The following NUP98 variants were observed in gnomAD, a reference collection of about 807,000 sequenced individuals.
NUP98 encodes the protein nucleoporin 98 and 96 precursor.
NUP98 carries 26 observed loss-of-function variants against 191.9 expected under a neutral mutation model. That is an observed-to-expected ratio of 0.14 (90% CI 0.10 to 0.19). The LOEUF (loss-of-function observed/expected upper bound fraction) is 0.19, where lower values mean the gene tolerates loss of function less well. Among genes scored for constraint, NUP98 ranks in the 10% least tolerant of loss-of-function variants. The probability of loss-of-function intolerance (pLI) is 1.00; values close to 1 mark genes in which losing one functional copy is unlikely to be tolerated. For missense variants in NUP98, 1,941 were observed against 2,178.8 expected (o/e 0.89, Z 2.17); for synonymous variants, 808 against 778.4 (o/e 1.04, Z -0.63).
chr11:3,731,896 T>C (rs749640336), intron 13 of NUP98, among the ~76,000 whole-genome samples: 4 of 152,220 alleles, frequency 2.6e-5, no homozygotes, highest in African/African-American at 4.8e-5. Context: ...TTCTTTTGAA[T>C]GTCATGTCAG....
intron 1 of NUP98, among the ~76,000 whole-genome samples, chr11:3,791,975 C>A (rs111269221): frequency 0.014 from 2,147 of 151,202 alleles, 48 homozygotes; most frequent in African/African-American, 0.05. Flanking sequence ...GTCAGGAGAT[C>A]GAGACCTTCC....
In NUP98 at chr11:3,735,177, A is replaced by G. The variant is rs371234285; in HGVS notation, c.1542+14T>C. On this transcript the variant is annotated intron_variant, in intron 13 of 32. Coordinates refer to ENST00000324932, the MANE Select transcript of NUP98 (RefSeq NM_016320.5). Reference sequence around the variant, plus strand: ...CTTTGATATGATATTTTACAGAAGTATCCTTAAATTTACCTCTTCCTTCTT... The same window carrying G: ...CTTTGATATGATATTTTACAGAAGTGTCCTTAAATTTACCTCTTCCTTCTT... The G allele has an allele frequency of 2.5e-6, 4 of 1,571,144 alleles. No homozygotes were observed. The highest frequency in any genetic ancestry group is 2.7e-5 in the African/African-American group (2 of 73,494).
At chr11:3,784,908 G>A (rs573175769) in intron 1 of NUP98, among the ~76,000 whole-genome samples, 2 of 152,218 alleles carry the variant, frequency 1.3e-5, no homozygotes, top group South Asian at 2.1e-4. Flanking sequence ...AGGCAGAGGC[G>A]GGCAGATCAC....
intron 4 of NUP98, among the ~76,000 whole-genome samples, chr11:3,778,335 G>A (rs546365249): frequency 6.6e-6 from 1 of 152,158 alleles, no homozygotes; most frequent in East Asian, 1.9e-4. Context: ...TCAAAGTACA[G>A]TGCTGTGTGG....
At chr11:3,769,381 G>C (rs2081443588) in intron 7 of NUP98, among the ~76,000 whole-genome samples, 1 of 151,950 alleles carries the variant, frequency 6.6e-6, no homozygotes, top group Admixed American at 6.6e-5. Context: ...AGCTGTGATG[G>C]AGCCACTGCA....
In NUP98 at chr11:3,693,351, G is replaced by T; in HGVS notation, c.4192C>A (p.Gln1398Lys). The part of the protein sequence containing the change: ...KPVWQLSEKK[Q>K]INVCSQLDWK... Reference sequence around the variant, plus strand: ...TCCAACTGGGAGCACACGTTTATTTGCTTCTTTTCTGAGAGCTGCCACACC... The same window carrying T: ...TCCAACTGGGAGCACACGTTTATTTTCTTCTTTTCTGAGAGCTGCCACACC... Residue 1398 changes from glutamine to lysine, a missense_variant, in exon 27 of 33, where the codon CAA becomes AAA. By Grantham distance (53) the Gln-to-Lys change is moderately conservative (BLOSUM62 1). Coordinates refer to ENST00000324932, the MANE Select transcript of NUP98 (RefSeq NM_016320.5). 6.2e-7 allele frequency: 1 copy of T among 1,614,132 alleles called. No individual in the cohort carries two copies. The highest frequency in any genetic ancestry group is 8.5e-7 in the Non-Finnish European group (1 of 1,180,022).
intron 31 of NUP98, 24 bp downstream of exon 31, chr11:3,679,530 C>T (rs766886824): frequency 6.2e-7 from 1 of 1,611,098 alleles, no homozygotes; most frequent in Non-Finnish European, 8.5e-7. Context: ...GAAAATCAGG[C>T]AGCAGTTTCA....
chr11:3,771,683 A>G, intron 7 of NUP98, 65 bp downstream of exon 7: 1 of 1,437,996 alleles, frequency 7.0e-7, no homozygotes, highest in Non-Finnish European at 9.7e-7. Context: ...CAAAATGGCA[A>G]TTATGTTTTA....
At position 3,706,775 on chromosome 11, in the gene NUP98, G is replaced by A. The variant is rs2078874040; in HGVS notation, c.2743-148C>T. 5.5e-6 allele frequency: 4 copies of A among 732,998 alleles called. No homozygotes were observed. In the East Asian group the frequency reaches 7.9e-5, roughly 15 times the overall value. The allele number at this position is 732,998 out of a possible 1,614,324, so 45.4% of individuals were successfully genotyped here. Reference sequence around the variant, plus strand: ...GTGAGGTAAGGTAGCAGATTTGCTAGAGTGATTTAAAATCAATTACCCCAA... The same window carrying A: ...GTGAGGTAAGGTAGCAGATTTGCTAAAGTGATTTAAAATCAATTACCCCAA... On this transcript the variant is annotated intron_variant, in intron 20 of 32. Coordinates refer to ENST00000324932, the MANE Select transcript of NUP98 (RefSeq NM_016320.5).
In NUP98 at chr11:3,773,728, A is replaced by G; in HGVS notation, c.507T>C (p.Gly169=). 6.2e-7 allele frequency: 1 copy of G among 1,612,406 alleles called. No individual in the cohort carries two copies. Among genetic ancestry groups the G allele is most frequent in the South Asian group, 1.1e-5 (1 of 90,828 alleles). The stretch of plus-strand genomic sequence containing the variant: ...CTCCAGCTTTGACCATAGTATCTGT[A>G]CCAGTTGGAGGCTGCAAAGTTAAAT... The part of the protein sequence containing the change: ...GTTIKFNPPT[G]TDTMVKAGVS... Residue 169 remains glycine, a synonymous_variant, in exon 6 of 33, where the codon GGT becomes GGC. Transcript: ENST00000324932.
chr11:3,718,668 TGAA>T (rs2079275678), intron 18 of NUP98, among the ~76,000 whole-genome samples: 1 of 152,224 alleles, frequency 6.6e-6, no homozygotes, highest in African/African-American at 2.4e-5. Context: ...TGGTAGGTTA[TGAA>T]GATAAATAAT....
chr11:3,737,879 GT>G (rs75865492), intron 12 of NUP98, among the ~76,000 whole-genome samples: 133 of 142,266 alleles, frequency 9.3e-4, no homozygotes, highest in African/African-American at 9.0e-4. Flanking sequence ...ATAAAGAAAA[GT>G]TTTTTTTTTT....
In NUP98 at chr11:3,773,713, G is replaced by T; in HGVS notation, c.522C>A (p.Val174=). The change falls in exon 6 of 33, where the codon GTC becomes GTA. Residue 174 remains valine, a synonymous_variant. Coordinates refer to ENST00000324932, the MANE Select transcript of NUP98 (RefSeq NM_016320.5). The part of the protein sequence containing the change: ...FNPPTGTDTM[V]KAGVSTNIST... ...TTATGTTAGTGCTAACTCCAGCTTT[G>T]ACCATAGTATCTGTACCAGTTGGAG... is the stretch of plus-strand genomic sequence containing the variant. 1 of 1,613,160 alleles carries T rather than the reference G, an allele frequency of 6.2e-7. No homozygotes were observed. Among genetic ancestry groups the T allele is most frequent in the South Asian group, 1.1e-5 (1 of 90,898 alleles).
intron 18 of NUP98, among the ~76,000 whole-genome samples, chr11:3,718,269 C>A (rs982962121): frequency 1.3e-4 from 20 of 152,168 alleles, no homozygotes; most frequent in African/African-American, 4.8e-4. Context: ...GGCACAGTGG[C>A]TCATGCTTGT....
In NUP98 at chr11:3,775,914, C is replaced by A; in HGVS notation, c.463G>T (p.Ala155Ser). The A allele has an allele frequency of 1.2e-6, 2 of 1,613,820 alleles. No individual in the cohort carries two copies. The highest frequency in any genetic ancestry group is 1.7e-6 in the Non-Finnish European group (2 of 1,179,798). The change falls in exon 5 of 33, where the codon GCT becomes TCT. Residue 155 changes from alanine (A) to serine (S), a missense_variant. Transcript: ENST00000324932. ...GSLFGPSSFT[A>S]APTGTTIKFN... ...TTAATAGTAGTCCCAGTAGGAGCAGCTGTAAAACTACTTGGCCCAAAGAGG... is the reference window on the plus strand; with the variant it reads ...TTAATAGTAGTCCCAGTAGGAGCAGATGTAAAACTACTTGGCCCAAAGAGG...
At chr11:3,739,370 T>C (rs1256964728) in intron 12 of NUP98, among the ~76,000 whole-genome samples, 6 of 152,126 alleles carry the variant, frequency 3.9e-5, no homozygotes, top group Non-Finnish European at 7.3e-5. Context: ...TGCCTCGGCC[T>C]TGCGAGTAGG....
At chr11:3,721,889 G>C (rs1167815569) in intron 16 of NUP98, among the ~76,000 whole-genome samples, 2 of 152,198 alleles carry the variant, frequency 1.3e-5, no homozygotes, top group Middle Eastern at 3.4e-3. Context: ...TGCTCTCTGA[G>C]AGAAAAGTAT....
intron 18 of NUP98, among the ~76,000 whole-genome samples, chr11:3,714,604 T>G (rs767000723): frequency 1.4e-4 from 22 of 152,224 alleles, no homozygotes; most frequent in Admixed American, 7.2e-4. Flanking sequence ...ACTACTCTAC[T>G]TTGTTTCTAT....
intron 11 of NUP98, among the ~76,000 whole-genome samples, chr11:3,747,101 A>C (rs920233380): frequency 6.6e-6 from 1 of 152,254 alleles, no homozygotes; most frequent in Non-Finnish European, 1.5e-5. Flanking sequence ...AGACATTCTG[A>C]GTGTGATGTT....
Sources: allele counts gnomAD v4.1 joint callset (sites outside exome capture counted in the v4.1 genomes callset), GRCh38; gene constraint gnomAD v4.1.1; transcripts MANE v1.5; gene names NCBI Gene and HGNC (gene_info 2026-07-23, HGNC 2026-07-21).